COL24A1: variants seen among roughly 807,000 people sequenced by gnomAD.
The protein encoded by COL24A1 is collagen alpha-1(XXIV) chain.
COL24A1 carries 224 observed loss-of-function variants against 253.9 expected under a neutral mutation model. The ratio of observed to expected loss-of-function variants is 0.88; its 90% CI spans 0.79 to 0.99. The LOEUF (loss-of-function observed/expected upper bound fraction) is 0.99. COL24A1 is among the 50% of genes least tolerant of loss of function. The pLI, the probability that COL24A1 is intolerant of heterozygous loss-of-function variation, is 0.00. For missense variants in COL24A1, 2,131 were observed against 2,068.5 expected, an observed-to-expected ratio of 1.03 and a Z score of -0.59; for synonymous variants, 685 against 673.7, an observed-to-expected ratio of 1.02 and a Z score of -0.26.
chr1:86,050,774 C>T (rs902228604), intron 10 of COL24A1, among the ~76,000 whole-genome samples: 4 of 152,046 alleles, frequency 2.6e-5, no homozygotes, highest in African/African-American at 7.2e-5. Context: ...GTAAGACCCA[C>T]CCTGCCTTAA....
chr1:86,135,064 T>C (rs1649997117), intron 2 of COL24A1, among the ~76,000 whole-genome samples: 1 of 151,994 alleles, frequency 6.6e-6, no homozygotes, highest in Non-Finnish European at 1.5e-5. Flanking sequence ...TTAGGAGAGT[T>C]AGCTCTTCTT....
At chr1:85,791,968 A>G (rs1174402721) in intron 47 of COL24A1, among the ~76,000 whole-genome samples, 1 of 152,192 alleles carries the variant, frequency 6.6e-6, no homozygotes, top group African/African-American at 2.4e-5. Flanking sequence ...GCTAAGTGTT[A>G]TCCTATACAA....
chr1:86,092,375 C>A, intron 5 of COL24A1, 55 bp from the exon 6 acceptor site: 1 of 1,255,780 alleles, frequency 8.0e-7, no homozygotes, highest in Non-Finnish European at 1.2e-6. Flanking sequence ...TATAATGTGT[C>A]ATATATCTTC....
chr1:85,774,004 G>A (rs1330959667), intron 53 of COL24A1, among the ~76,000 whole-genome samples: 1 of 152,016 alleles, frequency 6.6e-6, no homozygotes, highest in Non-Finnish European at 1.5e-5. Flanking sequence ...ATTGGCTGTG[G>A]GTTTGTCATA....
intron 43 of COL24A1, among the ~76,000 whole-genome samples, chr1:85,837,184 A>C (rs886880664): frequency 1.1e-4 from 17 of 152,346 alleles, no homozygotes; most frequent in Admixed American, 7.8e-4. Context: ...TGGGTTAGGA[A>C]ACACTTGTAG....
At chr1:85,991,068 A>C (rs367577160) in intron 19 of COL24A1, among the ~76,000 whole-genome samples, 4 of 152,222 alleles carry the variant, frequency 2.6e-5, no homozygotes, top group African/African-American at 7.2e-5. Context: ...CACACACACA[A>C]AAAGAGATCA....
chr1:85,739,753 T>C (rs1394625534), intron 57 of COL24A1, among the ~76,000 whole-genome samples: 1 of 152,194 alleles, frequency 6.6e-6, no homozygotes, highest in African/African-American at 2.4e-5. Flanking sequence ...TTCAGTTCCT[T>C]GAATTGTATC....
At chr1:85,939,392 A>G (rs2103160992) in intron 24 of COL24A1, among the ~76,000 whole-genome samples, 1 of 152,280 alleles carries the variant, frequency 6.6e-6, no homozygotes, top group East Asian at 1.9e-4. Flanking sequence ...CTTAGGAAAC[A>G]CAGAATGTTT....
intron 10 of COL24A1, among the ~76,000 whole-genome samples, chr1:86,050,384 G>C (rs550395308): frequency 6.6e-6 from 1 of 152,192 alleles, no homozygotes; most frequent in South Asian, 2.1e-4. Context: ...TATAATTTAA[G>C]AAATGGTGGC....
chr1:85,827,612 G>T (rs1423764067), intron 43 of COL24A1, among the ~76,000 whole-genome samples: 1 of 152,020 alleles, frequency 6.6e-6, no homozygotes, highest in Non-Finnish European at 1.5e-5. Context: ...GCTCGTTATT[G>T]ATCTATTCAG....
rs571275361 is a variant in COL24A1 at position 86,118,386 on chromosome 1, A to G, written c.1492-3008T>C. On this transcript the variant is annotated intron_variant, in intron 3 of 59. Coordinates refer to ENST00000370571, the MANE Select transcript of COL24A1 (RefSeq NM_152890.7). ...CCTAATTAACTTTTTTAAGGTATGC[A>G]TAAGGCACAGCAATCACTGAGTAAA... is the stretch of plus-strand genomic sequence containing the variant. Among the ~76,000 whole-genome samples, 34 of 152,298 alleles carry G rather than the reference A, an allele frequency of 2.2e-4. 1 individual carries two copies. The South Asian group carries it at 7.0e-3, about 32-fold the overall frequency.
intron 31 of COL24A1, among the ~76,000 whole-genome samples, chr1:85,893,830 TG>T (rs1367834326): frequency 2.6e-5 from 4 of 152,116 alleles, no homozygotes; most frequent in East Asian, 1.9e-4. Context: ...TTTTTAGAGA[TG>T]GGGGTCTCAC....
intron 51 of COL24A1, 70 bp from the exon 52 acceptor site, chr1:85,781,343 T>C (rs1012782676): frequency 4.7e-6 from 5 of 1,063,228 alleles, no homozygotes; most frequent in South Asian, 4.4e-5. Context: ...ACAGAATCTC[T>C]TGTACAATGG....
intron 43 of COL24A1, among the ~76,000 whole-genome samples, chr1:85,830,604 G>T (rs1032186876): frequency 2.6e-5 from 4 of 152,160 alleles, no homozygotes; most frequent in African/African-American, 7.2e-5. Flanking sequence ...TCTGAGCCAT[G>T]TGCGGGATAT....
chr1:86,141,860 C>T (rs968525877), intron 2 of COL24A1, among the ~76,000 whole-genome samples: 2 of 152,046 alleles, frequency 1.3e-5, no homozygotes, highest in African/African-American at 4.8e-5. Flanking sequence ...GCCACCACAT[C>T]CGGCTAATGT....
chr1:85,923,564 A>T (rs1349063177), intron 24 of COL24A1, among the ~76,000 whole-genome samples: 1 of 152,242 alleles, frequency 6.6e-6, no homozygotes, highest in African/African-American at 2.4e-5. Flanking sequence ...CAGCTCCTGA[A>T]TGACTACTGG....
Position 86,039,151 on chromosome 1 carries a change from G to A in COL24A1, c.1951-5228C>T, listed in dbSNP as rs80184425. 1.0e-3 allele frequency among the ~76,000 whole-genome samples: 154 copies of A among 149,008 alleles called. No individual in the cohort carries two copies. The Middle Eastern group carries it at 0.018, about 17-fold the overall frequency. On this transcript the variant is annotated intron_variant, in intron 12 of 59. Transcript: ENST00000370571. ...TATTTTAAATGTATGATATGCAGGG[G>A]CCCTCTAAAGCTCAGAGCCCAGAGC... is the stretch of plus-strand genomic sequence containing the variant.
At chr1:86,053,571 CAT>C (rs1038277647) in intron 10 of COL24A1, among the ~76,000 whole-genome samples, 1 of 151,884 alleles carries the variant, frequency 6.6e-6, no homozygotes, top group South Asian at 2.1e-4. Context: ...AATAATAACA[CAT>C]GTTTTTGCTT....
intron 24 of COL24A1, among the ~76,000 whole-genome samples, chr1:85,926,877 G>A (rs1687312810): frequency 6.6e-6 from 1 of 152,010 alleles, no homozygotes; most frequent in African/African-American, 2.4e-5. Context: ...AATGCACAAA[G>A]AAAGATACAG....
Sources: gnomAD v4.1 joint callset for allele counts (sites outside exome capture counted in the v4.1 genomes callset) on GRCh38, gnomAD v4.1.1 for gene constraint, MANE v1.5 for transcripts, NCBI Gene and HGNC (gene_info 2026-07-23, HGNC 2026-07-21) for gene names.